LMO7: variants seen among roughly 807,000 people sequenced by gnomAD.
LMO7 encodes LIM domain only protein 7.
In LMO7, 120 loss-of-function variants were observed where a neutral mutation model predicts 206.5. The observed-to-expected ratio is 0.58, with a 90% CI of 0.50 to 0.68. The LOEUF (loss-of-function observed/expected upper bound fraction) is 0.68. Ranked by LOEUF, LMO7 falls within the 30% of genes least tolerant of loss-of-function variation. LMO7 has a pLI of 0.00. For synonymous variants in LMO7, 706 were observed against 681.5 expected (o/e 1.04, Z -0.56); for missense variants, 1,959 against 1,957.9 (o/e 1.00, Z -0.01).
intron 4 of LMO7, among the ~76,000 whole-genome samples, chr13:75,775,085 C>G (rs1386242826): frequency 6.6e-6 from 1 of 152,010 alleles, no homozygotes; most frequent in Admixed American, 6.6e-5. Flanking sequence ...GACTTAAAAG[C>G]AAATAAAACT....
At chr13:75,789,934 T>G (rs2053027104) in intron 4 of LMO7, among the ~76,000 whole-genome samples, 3 of 152,224 alleles carry the variant, frequency 2.0e-5, no homozygotes, top group African/African-American at 7.2e-5. Flanking sequence ...TTGGAAAATT[T>G]AAGGGTATTT....
chr13:75,698,148 A>C (rs962198871), intron 1 of LMO7, among the ~76,000 whole-genome samples: 1 of 152,222 alleles, frequency 6.6e-6, no homozygotes, highest in Admixed American at 6.5e-5. Flanking sequence ...CAAAGATGAA[A>C]CACTTAAGAT....
intron 2 of LMO7, among the ~76,000 whole-genome samples, chr13:75,714,607 A>G (rs2043375950): frequency 1.3e-5 from 2 of 152,216 alleles, no homozygotes; most frequent in Non-Finnish European, 2.9e-5. Context: ...AGGGCCAGGA[A>G]TAAAGTTCAA....
chr13:75,621,539 C>T (rs559584057), exon 1 of LMO7: 7 of 403,078 alleles, frequency 1.7e-5, no homozygotes, highest in Non-Finnish European at 3.0e-5. Context: ...GCAATTATTT[C>T]AACATCTAAA....
Position 75,808,086 on chromosome 13 carries a change from C to A in LMO7, c.1803C>A (p.Thr601=). The part of the protein sequence containing the change: ...RKIQSWKLGT[T]VPPISFTPGP... ...TTCAGTCCTGGAAACTGGGAACTAC[C>A]GTGCCTCCCATCAGTTTCACCCCTG... Residue 601 remains threonine (T), a synonymous_variant, in exon 10 of 31, where the codon ACC becomes ACA. Transcript: ENST00000377534. 1.2e-6 allele frequency: 2 copies of A among 1,613,910 alleles called. No homozygotes were observed. The highest frequency in any genetic ancestry group is 1.7e-6 in the Non-Finnish European group (2 of 1,179,858).
intron 4 of LMO7, among the ~76,000 whole-genome samples, chr13:75,784,102 A>T (rs549218052): frequency 7.1e-4 from 108 of 152,228 alleles, no homozygotes; most frequent in African/African-American, 2.4e-3. Context: ...GGGGCCAGGG[A>T]GTGGCAGTGG....
chr13:75,784,208 A>G (rs553797047), intron 4 of LMO7, among the ~76,000 whole-genome samples: 1 of 152,288 alleles, frequency 6.6e-6, no homozygotes, highest in Non-Finnish European at 1.5e-5. Context: ...CAAAATGTTA[A>G]TATTGCCGAG....
Position 75,841,158 on chromosome 13 carries a change from C to A in LMO7, c.3632C>A (p.Ala1211Asp), listed in dbSNP as rs148348028. 3 of 1,613,076 alleles carry A rather than the reference C, an allele frequency of 1.9e-6. No homozygotes were observed. Among genetic ancestry groups the A allele is most frequent in the African/African-American group, 2.7e-5 (2 of 74,840 alleles). Residue 1211 changes from alanine to aspartate, a missense_variant, in exon 23 of 31, where the codon GCC becomes GAC. Ala to Asp is a moderately radical substitution (Grantham distance 126). Transcript: ENST00000377534. ...QEKLREEWQR[A>D]KQEAERENSK... ...AAACTGAGGGAAGAGTGGCAAAGGG[C>A]CAAACAGGAGGCAGAGAGAGAGAAT...
intron 1 of LMO7, among the ~76,000 whole-genome samples, chr13:75,640,927 C>T (rs1053381522): frequency 2.0e-5 from 3 of 152,184 alleles, no homozygotes; most frequent in Admixed American, 6.5e-5. Context: ...CCCGAGTCAC[C>T]TTACTCTACT....
intron 1 of LMO7, among the ~76,000 whole-genome samples, chr13:75,699,892 G>A (rs565051788): frequency 6.4e-4 from 98 of 152,322 alleles, no homozygotes; most frequent in African/African-American, 2.2e-3. Flanking sequence ...AGACCAGGGC[G>A]TATTTTATCC....
rs528171999 is a variant in LMO7, at chr13:75,781,968, G to C, written c.318-13433G>C. Among the ~76,000 whole-genome samples the C allele has an allele frequency of 1.3e-3, 192 of 152,046 alleles. 1 individual carries two copies. The highest frequency in any genetic ancestry group is 4.6e-3 in the African/African-American group (189 of 41,494). On this transcript the variant is annotated intron_variant, in intron 4 of 30. Transcript: ENST00000377534. Reference sequence around the variant, plus strand: ...TCATATCCTTTGCCCACTTTTTGATGGGGTTGTTTGTTTTTTTCTTGTAAA... The same window carrying C: ...TCATATCCTTTGCCCACTTTTTGATCGGGTTGTTTGTTTTTTTCTTGTAAA...
rs904305789 is a variant in LMO7, at chr13:75,838,464, A to C, written c.3451+268A>C. On this transcript the variant is annotated intron_variant, in intron 20 of 30. Coordinates refer to ENST00000377534, the MANE Select transcript of LMO7 (RefSeq NM_001306080.2). ...TTTTTTTAACTTTGTAAAAAAAAAA[A>C]AAAAAAAAAAGGGAGATGCTCTTAA... The C allele has an allele frequency of 3.8e-6, 3 of 783,978 alleles. No homozygotes were observed. The African/African-American group carries it at 5.4e-5, about 14-fold the overall frequency. The allele number at this position is 783,978 out of a possible 1,614,324, so 48.6% of individuals were successfully genotyped here.
chr13:75,683,846 G>A (rs535907535), intron 1 of LMO7, among the ~76,000 whole-genome samples: 1 of 152,218 alleles, frequency 6.6e-6, no homozygotes, highest in South Asian at 2.1e-4. Context: ...TTTCTGATTG[G>A]CAATTTGTTG....
At chr13:75,704,254 A>C (rs1162006347) in intron 1 of LMO7, among the ~76,000 whole-genome samples, 1 of 152,222 alleles carries the variant, frequency 6.6e-6, no homozygotes, top group Non-Finnish European at 1.5e-5. Context: ...AAATTATGGC[A>C]AACATGGCTC....
chr13:75,628,404 T>A (rs1204695956), intron 2 of LMO7: 2 of 152,256 alleles, frequency 1.3e-5, no homozygotes, highest in African/African-American at 4.8e-5. Flanking sequence ...CTGGCTTTGA[T>A]TTCCAAGTAT....
chr13:75,712,632 T>C (rs2138101760), intron 1 of LMO7, among the ~76,000 whole-genome samples: 1 of 152,340 alleles, frequency 6.6e-6, no homozygotes, highest in Non-Finnish European at 1.5e-5. Context: ...CAGGATTTAA[T>C]AGTCTTCTCC....
At chr13:75,779,288 G>A (rs2050963230) in intron 4 of LMO7, among the ~76,000 whole-genome samples, 1 of 152,160 alleles carries the variant, frequency 6.6e-6, no homozygotes. Flanking sequence ...AGTTTCCTGG[G>A]AAGTATTAGC....
intron 2 of LMO7, among the ~76,000 whole-genome samples, chr13:75,714,957 A>G (rs1393864394): frequency 2.0e-5 from 3 of 152,080 alleles, no homozygotes; most frequent in Admixed American, 2.0e-4. Flanking sequence ...TTGTGCCTTC[A>G]AGGAAGTGTG....
chr13:75,787,549 T>A (rs546012527), intron 4 of LMO7, among the ~76,000 whole-genome samples: 44 of 152,386 alleles, frequency 2.9e-4, no homozygotes, highest in Non-Finnish European at 5.3e-4. Context: ...ATAAGCATTA[T>A]GTTGCTAGGG....
Sources: allele counts gnomAD v4.1 joint callset (sites outside exome capture counted in the v4.1 genomes callset), GRCh38; gene constraint gnomAD v4.1.1; transcripts MANE v1.5; gene names NCBI Gene and HGNC (gene_info 2026-07-23, HGNC 2026-07-21).